The following HERC2 variants were observed in gnomAD, a reference collection of about 807,000 sequenced individuals.
The protein encoded by HERC2 is E3 ubiquitin-protein ligase HERC2.
Under a neutral mutation model 537.7 loss-of-function variants are expected in HERC2, and 102 were observed. The observed-to-expected ratio is 0.19, with a 90% CI of 0.16 to 0.22. HERC2 has a LOEUF of 0.22. HERC2 is among the 10% of genes least tolerant of loss of function. The pLI is 1.00. For missense variants in HERC2, 4,236 were observed against 6,198.2 expected (o/e 0.68, Z 10.63); for synonymous variants, 2,224 against 2,466.2 (o/e 0.90, Z 2.91).
At chr15:28,236,699 T>C (rs1278697201) in intron 26 of HERC2, among the ~76,000 whole-genome samples, 1 of 152,142 alleles carries the variant, frequency 6.6e-6, no homozygotes, top group African/African-American at 2.4e-5. Flanking sequence ...GCGATCCTCC[T>C]ACCTCAGCCT....
chr15:28,276,089 G>A (rs1301989650), intron 5 of HERC2, among the ~76,000 whole-genome samples: 1 of 147,986 alleles, frequency 6.8e-6, no homozygotes, highest in African/African-American at 2.5e-5. Flanking sequence ...CGGAGGCTGA[G>A]GCAGGACAAT....
chr15:28,246,046 CT>C lies in HERC2; in HGVS notation c.3411del (p.Val1138Ter). The C allele has an allele frequency of 1.2e-6, 2 of 1,607,950 alleles. No homozygotes were observed. Among genetic ancestry groups the C allele is most frequent in the Non-Finnish European group, 1.7e-6 (2 of 1,176,312 alleles). ...CTGAGCAGAAGCACTATAGAAACTACTAGTTCTGGAAGGAGAACACCTACAT... is the reference window on the plus strand; with the variant it reads ...CTGAGCAGAAGCACTATAGAAACTACAGTTCTGGAAGGAGAACACCTACAT... Reference protein sequence around the residue: ...GDFTGVLLPELVVSIVLLLSK... With the variant: ...GDFTGVLLPEXVVSIVLLLSK... On this transcript the variant is annotated frameshift_variant, in exon 23 of 93. Coordinates refer to ENST00000261609, the MANE Select transcript of HERC2 (RefSeq NM_004667.6). LOFTEE classifies it high-confidence loss of function.
chr15:28,130,559 C>T lies in HERC2; in HGVS notation c.12606G>A (p.Val4202=). 2 of 1,614,024 alleles carry T rather than the reference C, an allele frequency of 1.2e-6. No individual in the cohort carries two copies. Among genetic ancestry groups the T allele is most frequent in the South Asian group, 1.1e-5 (1 of 91,082 alleles). ...DSLTGLGVVK[V]ECGSQFSVAL... is the part of the protein sequence containing the mutation. Reference sequence around the variant, plus strand: ...CAACAGAAAACTGGGATCCGCATTCCACTTTAACTACTCCAAGACCAGTAA... The same window carrying T: ...CAACAGAAAACTGGGATCCGCATTCTACTTTAACTACTCCAAGACCAGTAA... The change falls in exon 82 of 93, where the codon GTG becomes GTA. Residue 4202 remains valine (V), a synonymous_variant. Coordinates refer to ENST00000261609, the MANE Select transcript of HERC2 (RefSeq NM_004667.6).
rs898871994 is a variant in HERC2, at chr15:28,114,877, C to T, written c.13723-75G>A. On this transcript the variant is annotated intron_variant, in intron 89 of 92. Coordinates refer to ENST00000261609, the MANE Select transcript of HERC2 (RefSeq NM_004667.6). ...ATCCCAGACTCCAGTCCACCCAGCACACTCTGTCAAGCAGGAACCAGGGTC... is the reference window on the plus strand; with the variant it reads ...ATCCCAGACTCCAGTCCACCCAGCATACTCTGTCAAGCAGGAACCAGGGTC... The T allele has an allele frequency of 4.7e-6, 6 of 1,289,708 alleles. No individual in the cohort carries two copies. The African/African-American group carries it at 8.8e-5, about 19-fold the overall frequency. 79.9% of individuals were successfully genotyped at this position (1,289,708 alleles called of 1,614,324 possible). A position where few individuals can be genotyped will look rare whatever the true frequency, so the allele number is the denominator to read the frequency against.
At position 28,268,548 on chromosome 15, in the gene HERC2, G is replaced by A; in HGVS notation, c.1515C>T (p.His505=). The change falls in exon 12 of 93, where the codon CAC becomes CAT. Residue 505 remains histidine, a synonymous_variant. Transcript: ENST00000261609. The surrounding 1 kb of genome is among the most constrained non-coding windows in gnomAD (Gnocchi z 4.7). ...CAGTAGCAGCCAAGGCTAGGTAGTG[G>A]TGACCATCAGAATGGGCAGCAATTT... The part of the protein sequence containing the change: ...IVKIAAHSDG[H]HYLALAATGE... 1 of 1,614,136 alleles carries A rather than the reference G, an allele frequency of 6.2e-7. No individual in the cohort carries two copies. The highest frequency in any genetic ancestry group is 8.5e-7 in the Non-Finnish European group (1 of 1,179,962).
intron 23 of HERC2, among the ~76,000 whole-genome samples, chr15:28,242,683 A>G (rs1903248315): frequency 6.6e-6 from 1 of 152,258 alleles, no homozygotes. Context: ...TAGCAAACCA[A>G]GACCAGAAAT....
chr15:28,244,911 T>A (rs1315764183), intron 23 of HERC2, among the ~76,000 whole-genome samples: 2 of 152,180 alleles, frequency 1.3e-5, no homozygotes, highest in Non-Finnish European at 2.9e-5. Flanking sequence ...TAACCCTGAT[T>A]TTGATTGATT....
intron 3 of HERC2, chr15:28,298,724 A>T (rs1463980557): frequency 6.6e-6 from 1 of 151,988 alleles, no homozygotes; most frequent in African/African-American, 2.4e-5. Context: ...TGAACCCGGG[A>T]GGTGGAGCGT....
At chr15:28,124,943 A>G in intron 84 of HERC2, 63 bp downstream of exon 84, 3 of 1,468,660 alleles carry the variant, frequency 2.0e-6, no homozygotes, top group Non-Finnish European at 1.9e-6. Context: ...CAACGACAGG[A>G]TGCAGCATGT....
chr15:28,292,785 T>G, intron 4 of HERC2, 103 bp downstream of exon 4: 3 of 1,208,068 alleles, frequency 2.5e-6, no homozygotes, highest in Non-Finnish European at 2.3e-6. Flanking sequence ...TTTATTTACT[T>G]TTTTTAAAAT....
At chr15:28,254,223 C>T in intron 20 of HERC2, 117 bp downstream of exon 20, 1 of 656,770 alleles carries the variant, frequency 1.5e-6, no homozygotes. Context: ...GCGGAGCTTG[C>T]AGTGAGCCAA....
chr15:28,266,244 G>A (rs189709742), intron 12 of HERC2, among the ~76,000 whole-genome samples: 7 of 152,220 alleles, frequency 4.6e-5, no homozygotes, highest in Admixed American at 2.6e-4. Context: ...GGCTAGGCGC[G>A]GTGGCTCACA....
chr15:28,127,533 T>A (rs934640969), intron 83 of HERC2, among the ~76,000 whole-genome samples: 8 of 152,260 alleles, frequency 5.3e-5, no homozygotes, highest in African/African-American at 1.9e-4. Context: ...TTTACATTAC[T>A]ATTCCCTGGC....
intron 2 of HERC2, 123 bp from the exon 3 acceptor site, chr15:28,299,639 A>T (rs2076565216): frequency 1.6e-6 from 1 of 616,174 alleles, no homozygotes; most frequent in Non-Finnish European, 2.9e-6. Context: ...AATAAAATCA[A>T]TGATTTACTG....
intron 4 of HERC2, among the ~76,000 whole-genome samples, chr15:28,289,930 T>C (rs1384517723): frequency 6.6e-6 from 1 of 151,210 alleles, no homozygotes; most frequent in East Asian, 2.0e-4. Flanking sequence ...AGTGAGAGGA[T>C]TACACACCTA....
intron 68 of HERC2, among the ~76,000 whole-genome samples, chr15:28,167,178 T>G (rs1894229422): frequency 6.6e-6 from 1 of 152,220 alleles, no homozygotes; most frequent in African/African-American, 2.4e-5. Context: ...TTAACACACT[T>G]ACTGACTTCC....
At chr15:28,301,046 G>A (rs1399243978) in intron 2 of HERC2, among the ~76,000 whole-genome samples, 4 of 151,844 alleles carry the variant, frequency 2.6e-5, no homozygotes, top group African/African-American at 7.3e-5. Context: ...AAGACGCTAG[G>A]GCTCTAGGGA....
chr15:28,305,612 G>A (rs2076764208), intron 2 of HERC2, among the ~76,000 whole-genome samples: 1 of 112,372 alleles, frequency 8.9e-6, no homozygotes, highest in South Asian at 3.7e-4. Context: ...CAGGACATAG[G>A]CGTGGGCAAG....
intron 4 of HERC2, among the ~76,000 whole-genome samples, chr15:28,291,069 G>A (rs778214176): frequency 2.6e-4 from 40 of 152,286 alleles, no homozygotes; most frequent in African/African-American, 8.7e-4. Flanking sequence ...TGATCCAAAC[G>A]GAAAGAGAGA....
Sources: allele counts gnomAD v4.1 joint callset (sites outside exome capture counted in the v4.1 genomes callset), GRCh38; gene constraint gnomAD v4.1.1; non-coding constraint Gnocchi (gnomAD v3.1); transcripts MANE v1.5; gene names NCBI Gene and HGNC (gene_info 2026-07-23, HGNC 2026-07-21).